The following NALCN variants were observed in gnomAD, a reference collection of about 807,000 sequenced individuals.
NALCN encodes sodium leak channel NALCN.
In NALCN, 111 loss-of-function variants were observed where a neutral mutation model predicts 225.3. That is an observed-to-expected ratio of 0.49 (90% CI 0.42 to 0.58). The LOEUF (loss-of-function observed/expected upper bound fraction) is 0.58, where lower values mean the gene tolerates loss of function less well. Among genes scored for constraint, NALCN ranks in the 20% least tolerant of loss-of-function variants. The pLI is 0.00. For missense variants in NALCN, 1,378 were observed against 2,202.4 expected, an observed-to-expected ratio of 0.63 and a Z score of 7.49; for synonymous variants, 764 against 769.0, an observed-to-expected ratio of 0.99 and a Z score of 0.11.
At chr13:101,360,193 TC>T (rs1566614918) in intron 6 of NALCN, among the ~76,000 whole-genome samples, 30 of 46,766 alleles carry the variant, frequency 6.4e-4, no homozygotes, top group African/African-American at 2.8e-3. Context: ...TCTCTTCCTC[TC>T]TCTCTCTCTC....
At chr13:101,259,329 TTTATTA>T (rs138538711) in intron 10 of NALCN, among the ~76,000 whole-genome samples, 2 of 151,430 alleles carry the variant, frequency 1.3e-5, no homozygotes, top group Admixed American at 1.3e-4. Flanking sequence ...ATGAGTATTA[TTTATTA>T]TTATTATTAT....
intron 15 of NALCN, among the ~76,000 whole-genome samples, chr13:101,152,655 T>C (rs903042296): frequency 2.0e-5 from 3 of 152,194 alleles, no homozygotes; most frequent in Non-Finnish European, 4.4e-5. Flanking sequence ...TTTGCTCATA[T>C]TATTGTCCTT....
intron 13 of NALCN, among the ~76,000 whole-genome samples, chr13:101,223,378 G>T (rs527353051): frequency 2.0e-5 from 3 of 152,070 alleles, no homozygotes; most frequent in African/African-American, 4.8e-5. Context: ...CAGTAAAAAG[G>T]GTTTGATTTC....
chr13:101,415,124 T>C (rs1358345493), intron 1 of NALCN, among the ~76,000 whole-genome samples: 1 of 147,300 alleles, frequency 6.8e-6, no homozygotes, highest in Non-Finnish European at 1.5e-5. Context: ...TGCATCTGCC[T>C]CAGGGGTAAC....
intron 15 of NALCN, among the ~76,000 whole-genome samples, chr13:101,155,940 T>C (rs138320479): frequency 2.0e-4 from 31 of 152,334 alleles, no homozygotes; most frequent in African/African-American, 7.0e-4. Context: ...ATTATTTCTA[T>C]TTCTCTACAT....
chr13:101,129,790 T>G (rs1191743755), intron 17 of NALCN, among the ~76,000 whole-genome samples: 2 of 151,548 alleles, frequency 1.3e-5, no homozygotes, highest in Non-Finnish European at 1.5e-5. Context: ...GTTACGTAGG[T>G]ATGCATGTCC....
At chr13:101,355,896 C>T (rs1221751669) in intron 6 of NALCN, among the ~76,000 whole-genome samples, 1 of 152,186 alleles carries the variant, frequency 6.6e-6, no homozygotes, top group African/African-American at 2.4e-5. Flanking sequence ...TTAAGAAACT[C>T]ACTCAAAACA....
chr13:101,370,790 A>C (rs1027300273), intron 6 of NALCN, among the ~76,000 whole-genome samples: 1 of 152,224 alleles, frequency 6.6e-6, no homozygotes, highest in African/African-American at 2.4e-5. Flanking sequence ...CATAAACTGC[A>C]CATACGAAAG....
chr13:101,403,389 C>G (rs944207407), intron 1 of NALCN, among the ~76,000 whole-genome samples: 1 of 152,224 alleles, frequency 6.6e-6, no homozygotes, highest in Non-Finnish European at 1.5e-5. Context: ...TATTCACCAT[C>G]CTGCAACCTT....
At chr13:101,322,371 T>C (rs1272283586) in intron 7 of NALCN, among the ~76,000 whole-genome samples, 1 of 152,258 alleles carries the variant, frequency 6.6e-6, no homozygotes, top group Non-Finnish European at 1.5e-5. Context: ...AAGTATAACA[T>C]ACACATGCTA....
chr13:101,193,102 CT>C (rs5806199), intron 13 of NALCN, among the ~76,000 whole-genome samples: 46,945 of 142,160 alleles, frequency 0.33, 7,997 homozygotes, highest in East Asian at 0.56. Flanking sequence ...CTGATTCCTT[CT>C]TTTTTTTTTT....
intron 12 of NALCN, among the ~76,000 whole-genome samples, chr13:101,231,757 T>A (rs1191586872): frequency 1.3e-5 from 2 of 152,202 alleles, no homozygotes; most frequent in African/African-American, 4.8e-5. Flanking sequence ...TTTTTAAAAA[T>A]TAGATTTTAA....
intron 3 of NALCN, among the ~76,000 whole-genome samples, chr13:101,382,363 T>A (rs1407655707): frequency 6.6e-6 from 1 of 152,106 alleles, no homozygotes; most frequent in Non-Finnish European, 1.5e-5. Context: ...TTTCACAATG[T>A]ATTCTGATAT....
intron 34 of NALCN, among the ~76,000 whole-genome samples, chr13:101,080,985 G>C (rs1368599680): frequency 6.6e-6 from 1 of 152,020 alleles, no homozygotes; most frequent in Admixed American, 6.6e-5. Context: ...AAAATAGTGA[G>C]AACACAGATA....
intron 1 of NALCN, among the ~76,000 whole-genome samples, chr13:101,404,626 A>T (rs946490395): frequency 1.3e-5 from 2 of 152,204 alleles, no homozygotes; most frequent in Non-Finnish European, 2.9e-5. Flanking sequence ...CTCCAAGAGG[A>T]TATGAATTGT....
rs1566640714 is a variant in NALCN at position 101,387,243 on chromosome 13, A to AT, written c.291+7939_291+7940insA. On this transcript the variant is annotated intron_variant, in intron 3 of 43. Transcript: ENST00000251127. ...ACTCCGTCTCAAAAAAAAAAAAAAAAAAAAAAAAAAACAGGTTAGCATTTC... is the reference window on the plus strand; with the variant it reads ...ACTCCGTCTCAAAAAAAAAAAAAAAATAAAAAAAAAAACAGGTTAGCATTTC... Among the ~76,000 whole-genome samples the AT allele has an allele frequency of 8.1e-4, 121 of 149,886 alleles. 1 individual carries two copies. Among genetic ancestry groups the AT allele is most frequent in the African/African-American group, 2.7e-3 (108 of 40,648 alleles).
At chr13:101,237,090 G>A (rs905048327) in intron 12 of NALCN, among the ~76,000 whole-genome samples, 11 of 151,800 alleles carry the variant, frequency 7.2e-5, no homozygotes, top group African/African-American at 1.9e-4. Flanking sequence ...GACAGTGAGC[G>A]TGTTGCTATA....
At chr13:101,101,110 A>G (rs1053257504) in intron 26 of NALCN, among the ~76,000 whole-genome samples, 1 of 152,118 alleles carries the variant, frequency 6.6e-6, no homozygotes, top group Non-Finnish European at 1.5e-5. Context: ...GGAAACATGA[A>G]TTTCATGTAA....
At chr13:101,174,958 T>C (rs1259654567) in intron 15 of NALCN, among the ~76,000 whole-genome samples, 3 of 152,168 alleles carry the variant, frequency 2.0e-5, no homozygotes, top group Admixed American at 1.3e-4. Flanking sequence ...TTTTTATTGA[T>C]CATGTCTAAT....
Sources: gnomAD v4.1 joint callset for allele counts (sites outside exome capture counted in the v4.1 genomes callset) on GRCh38, gnomAD v4.1.1 for gene constraint, MANE v1.5 for transcripts, NCBI Gene and HGNC (gene_info 2026-07-23, HGNC 2026-07-21) for gene names.